The following COL25A1 variants were observed in gnomAD, a reference collection of about 807,000 sequenced individuals.
The protein encoded by COL25A1 is collagen alpha-1(XXV) chain.
COL25A1 carries 103 observed loss-of-function variants against 128.4 expected under a neutral mutation model. The ratio of observed to expected loss-of-function variants is 0.80; its 90% confidence interval spans 0.68 to 0.94. COL25A1 has a LOEUF of 0.94. COL25A1 is among the 40% of genes least tolerant of loss of function. The pLI, the probability that COL25A1 is intolerant of heterozygous loss-of-function variation, is 0.00. For synonymous variants in COL25A1, 279 were observed against 277.2 expected (o/e 1.01, Z -0.06); for missense variants, 745 against 840.0 (o/e 0.89, Z 1.40).
intron 3 of COL25A1, among the ~76,000 whole-genome samples, chr4:109,216,949 A>G (rs949866134): frequency 6.6e-6 from 1 of 152,302 alleles, no homozygotes; most frequent in Non-Finnish European, 1.5e-5. Flanking sequence ...TTGTAGAACA[A>G]TGAATAAATG....
Position 108,817,548 on chromosome 4 carries a change from C to A in COL25A1, c.1924-113G>T. Reference sequence around the variant, plus strand: ...ATTTCTACCCATTAGTGACTTTGGTCATGGGCATCTTTTACTAATTAGCAA... The same window carrying A: ...ATTTCTACCCATTAGTGACTTTGGTAATGGGCATCTTTTACTAATTAGCAA... On this transcript the variant is annotated intron_variant, in intron 36 of 37. Coordinates refer to ENST00000399132, the MANE Select transcript of COL25A1 (RefSeq NM_198721.4). 3 of 870,634 alleles carry A rather than the reference C, an allele frequency of 3.4e-6. No individual in the cohort carries two copies. In the South Asian group the frequency reaches 5.6e-5, roughly 16 times the overall value. The allele number at this position is 870,634 out of a possible 1,614,324, so 53.9% of individuals were successfully genotyped here. A position where few individuals can be genotyped will look rare whatever the true frequency, so the allele number is the denominator to read the frequency against.
intron 9 of COL25A1, 65 bp from the exon 10 acceptor site, chr4:108,940,711 A>T (rs1037732360): frequency 1.9e-6 from 2 of 1,039,830 alleles, no homozygotes; most frequent in Non-Finnish European, 2.8e-6. Flanking sequence ...TCTTCTTTTC[A>T]GCACCTTAAA....
chr4:108,930,773 G>A (rs1746646804), intron 11 of COL25A1, among the ~76,000 whole-genome samples: 1 of 152,158 alleles, frequency 6.6e-6, no homozygotes, highest in South Asian at 2.1e-4. Flanking sequence ...TATCTGTAAA[G>A]GTTGGGGGAT....
At chr4:108,986,729 A>C (rs1169128191) in intron 6 of COL25A1, among the ~76,000 whole-genome samples, 1 of 152,204 alleles carries the variant, frequency 6.6e-6, no homozygotes, top group Non-Finnish European at 1.5e-5. Flanking sequence ...CATCTGTAAA[A>C]AGACATTTTT....
rs1354226168 is a variant in COL25A1, at chr4:109,109,002, A to AAAACTCC, written c.368-58830_368-58824dup. Among the ~76,000 whole-genome samples the AAAACTCC allele has an allele frequency of 6.6e-5, 10 of 152,320 alleles. No individual in the cohort carries two copies. In the East Asian group the frequency reaches 1.5e-3, roughly 24 times the overall value. On this transcript the variant is annotated intron_variant, in intron 3 of 37. Transcript: ENST00000399132. Reference sequence around the variant, plus strand: ...TGCCTGTACAATCAAGTAAAGAAAGAAAACTCCAAAATACTTTATATACAC... The same window carrying AAAACTCC: ...TGCCTGTACAATCAAGTAAAGAAAGAAAACTCCAAACTCCAAAATACTTTATATACAC...
At chr4:109,096,331 T>C (rs1332561285) in intron 3 of COL25A1, among the ~76,000 whole-genome samples, 2 of 152,222 alleles carry the variant, frequency 1.3e-5, no homozygotes, top group Non-Finnish European at 2.9e-5. Context: ...CATATGATTA[T>C]AATGGAGCTG....
intron 3 of COL25A1, among the ~76,000 whole-genome samples, chr4:109,084,487 T>C (rs1764185870): frequency 6.6e-6 from 1 of 152,180 alleles, no homozygotes; most frequent in Non-Finnish European, 1.5e-5. Context: ...ATTCACAAAA[T>C]AGGATCATTG....
chr4:109,097,578 A>C (rs36165156), intron 3 of COL25A1, among the ~76,000 whole-genome samples: 13,154 of 151,140 alleles, frequency 0.087, 780 homozygotes, highest in East Asian at 0.29. Flanking sequence ...GCACCATAGC[A>C]CTCCAGCCTG....
intron 13 of COL25A1, among the ~76,000 whole-genome samples, chr4:108,910,640 G>T (rs1744095307): frequency 6.6e-6 from 1 of 152,172 alleles, no homozygotes; most frequent in African/African-American, 2.4e-5. Context: ...GAAGCATACT[G>T]CCTGGCTTTT....
intron 3 of COL25A1, among the ~76,000 whole-genome samples, chr4:109,255,718 C>T (rs995866179): frequency 5.3e-5 from 8 of 152,168 alleles, no homozygotes; most frequent in Admixed American, 1.3e-4. Flanking sequence ...ATAGCAACAA[C>T]AAATAAATTC....
chr4:108,881,067 G>A (rs1349937010), intron 19 of COL25A1, among the ~76,000 whole-genome samples: 1 of 152,150 alleles, frequency 6.6e-6, no homozygotes, highest in Non-Finnish European at 1.5e-5. Flanking sequence ...TATGAACCAT[G>A]AATGCACGAA....
chr4:109,301,843 GA>G lies in COL25A1; in HGVS notation c.176del (p.Leu59ProfsTer50). 1 of 1,614,244 alleles carries G rather than the reference GA, an allele frequency of 6.2e-7. No homozygotes were observed. On this transcript the variant is annotated frameshift_variant, in exon 2 of 38. Coordinates refer to ENST00000399132, the MANE Select transcript of COL25A1 (RefSeq NM_198721.4). LOFTEE classifies it high-confidence loss of function. The stretch of plus-strand genomic sequence containing the variant: ...ATTCGAGAGCGGCGATCCTCGCCTG[GA>G]GGTCGTTGGTTTTCACACCCAGGTA... ...CLYLGVKTND[L>X]QARIAALESA...
chr4:109,112,177 A>G (rs1377038436), intron 3 of COL25A1, among the ~76,000 whole-genome samples: 1 of 152,218 alleles, frequency 6.6e-6, no homozygotes. Flanking sequence ...TCATTTTCCT[A>G]TCAATAAACA....
At chr4:109,175,802 C>A (rs1233776849) in intron 3 of COL25A1, among the ~76,000 whole-genome samples, 2 of 152,200 alleles carry the variant, frequency 1.3e-5, no homozygotes, top group Non-Finnish European at 2.9e-5. Flanking sequence ...ATACAGATGT[C>A]TAGTTGTAAC....
chr4:109,299,344 G>C (rs1725290632), intron 3 of COL25A1, among the ~76,000 whole-genome samples: 1 of 152,158 alleles, frequency 6.6e-6, no homozygotes. Context: ...CTAAGAATGA[G>C]ACCTACACTG....
intron 3 of COL25A1, among the ~76,000 whole-genome samples, chr4:109,250,543 A>T (rs994746381): frequency 6.6e-6 from 1 of 152,214 alleles, no homozygotes; most frequent in Non-Finnish European, 1.5e-5. Flanking sequence ...ACTGAGAACG[A>T]AGAGAGCCAA....
At chr4:108,836,713 T>C (rs1242973618) in intron 31 of COL25A1, among the ~76,000 whole-genome samples, 1 of 152,102 alleles carries the variant, frequency 6.6e-6, no homozygotes, top group African/African-American at 2.4e-5. Flanking sequence ...CTACCTAGAA[T>C]GCTGAAATAA....
intron 26 of COL25A1, among the ~76,000 whole-genome samples, chr4:108,851,615 G>A (rs1015341556): frequency 6.6e-6 from 1 of 152,110 alleles, no homozygotes; most frequent in Non-Finnish European, 1.5e-5. Flanking sequence ...GATCAAACAT[G>A]GTTGAATGAC....
chr4:109,173,583 C>T (rs964228970), intron 3 of COL25A1, among the ~76,000 whole-genome samples: 6 of 151,814 alleles, frequency 4.0e-5, no homozygotes, highest in Non-Finnish European at 8.8e-5. Flanking sequence ...ATGAGTATTG[C>T]TTTTTCTATG....
Sources: gnomAD v4.1 joint callset for allele counts (sites outside exome capture counted in the v4.1 genomes callset) on GRCh38, gnomAD v4.1.1 for gene constraint, MANE v1.5 for transcripts, NCBI Gene and HGNC (gene_info 2026-07-23, HGNC 2026-07-21) for gene names.